Variants in ZNF692 observed in about 807,000 individuals in gnomAD.
The protein encoded by ZNF692 is AICAR responsive element binding protein.
Under a neutral mutation model 49.0 loss-of-function variants are expected in ZNF692, and 41 were observed. The ratio of observed to expected loss-of-function variants is 0.84; its 90% CI spans 0.65 to 1.08. The LOEUF is 1.08. Ranked by LOEUF, ZNF692 falls within the 50% of genes least tolerant of loss-of-function variation. The pLI is 0.00. For synonymous variants in ZNF692, 288 were observed against 251.5 expected (o/e 1.15, Z -1.37); for missense variants, 662 against 662.2 (o/e 1.00, Z 0.00).
chr1:248,857,739 T>G, intron 3 of ZNF692, 89 bp downstream of exon 3: 1 of 1,552,904 alleles, frequency 6.4e-7, no homozygotes, highest in Non-Finnish European at 8.7e-7. Flanking sequence ...CCAAACTTAC[T>G]CAGGGCTCCC....
Position 248,858,133 on chromosome 1 carries a change from G to T in ZNF692, c.177C>A (p.Asp59Glu), listed in dbSNP as rs1398973778. Residue 59 changes from aspartate to glutamate, a missense_variant and splice_region_variant, in exon 2 of 12, where the codon GAC becomes GAA. Transcript: ENST00000306601. The surrounding 1 kb of genome is among the most constrained non-coding windows in gnomAD (Gnocchi z 4.3). ...LHSQLAKFLL[D>E]RYTSSGCVLC... Reference sequence around the variant, plus strand: ...AAGCCCTTCTCCCGGCCCCTAACCGGTCCAACAGGAACTTGGCGAGCTGCG... The same window carrying T: ...AAGCCCTTCTCCCGGCCCCTAACCGTTCCAACAGGAACTTGGCGAGCTGCG... 2 of 1,566,060 alleles carry T rather than the reference G, an allele frequency of 1.3e-6. No homozygotes were observed. The highest frequency in any genetic ancestry group is 1.7e-4 in the Middle Eastern group (1 of 5,922).
chr1:248,855,556 A>G lies in ZNF692; in HGVS notation c.959+2T>C, dbSNP rs768374502. On this transcript the variant is annotated splice_donor_variant, in intron 8 of 11. Coordinates refer to ENST00000306601, the MANE Select transcript of ZNF692 (RefSeq NM_017865.4). LOFTEE classifies it high-confidence loss of function. ...CCAGAACCCCATCTCCCTAAGTCCT[A>G]CCTAATTCTCTTGGGGCCAATTTGT... The G allele has an allele frequency of 1.9e-6, 3 of 1,613,816 alleles. No homozygotes were observed. The highest frequency in any genetic ancestry group is 2.5e-6 in the Non-Finnish European group (3 of 1,179,982).
intron 3 of ZNF692, 43 bp downstream of exon 3, chr1:248,857,785 C>T: frequency 6.2e-7 from 1 of 1,604,758 alleles, no homozygotes; most frequent in African/African-American, 1.3e-5. Flanking sequence ...ACCCTGTGGT[C>T]CCTCTTCCCT....
intron 10 of ZNF692, among the ~76,000 whole-genome samples, chr1:248,852,628 C>T (rs1256866199): frequency 6.6e-6 from 1 of 152,230 alleles, no homozygotes; most frequent in Non-Finnish European, 1.5e-5. Flanking sequence ...GCTATCCCCA[C>T]AGCTCCACTG....
chr1:248,850,931 G>T (rs1339944124), intron 10 of ZNF692, 150 bp from the exon 11 acceptor site: 3 of 751,346 alleles, frequency 4.0e-6, no homozygotes, highest in Non-Finnish European at 7.0e-6. Context: ...CATGGAGCCC[G>T]TCTGGACCTC....
At chr1:248,850,575 G>T in intron 11 of ZNF692, 59 bp from the exon 12 acceptor site, 1 of 1,591,124 alleles carries the variant, frequency 6.3e-7, no homozygotes, top group South Asian at 1.1e-5. Flanking sequence ...GACTTCCCTA[G>T]GGGGTTCCTC....
At position 248,857,289 on chromosome 1, in the gene ZNF692, T is replaced by G; in HGVS notation, c.420A>C (p.Pro140=). Residue 140 remains proline, a synonymous_variant, in exon 4 of 12, where the codon CCA becomes CCC. Transcript: ENST00000306601. ...AACACCAACTTCTCCGAGTAGTATG[T>G]GGAAGGGAGGCTGGCTTGGGTGCCT... The part of the protein sequence containing the change: ...PSEAPKPASL[P]HTTRRSWCSE... The G allele has an allele frequency of 6.2e-7, 1 of 1,614,116 alleles. No homozygotes were observed. Among genetic ancestry groups the G allele is most frequent in the Non-Finnish European group, 8.5e-7 (1 of 1,180,012 alleles).
intron 9 of ZNF692, 113 bp downstream of exon 9, chr1:248,855,267 C>T: frequency 1.0e-6 from 1 of 994,482 alleles, no homozygotes; most frequent in Admixed American, 2.0e-5. Flanking sequence ...GTCAGGTACC[C>T]TCTGCTTCCT....
chr1:248,851,248 C>T (rs1351916454), intron 10 of ZNF692, among the ~76,000 whole-genome samples: 1 of 152,104 alleles, frequency 6.6e-6, no homozygotes, highest in African/African-American at 2.4e-5. Flanking sequence ...AATCATCTAC[C>T]ACCTATTTAG....
At chr1:248,852,091 C>G (rs1268172338) in intron 10 of ZNF692, among the ~76,000 whole-genome samples, 1 of 152,354 alleles carries the variant, frequency 6.6e-6, no homozygotes, top group Admixed American at 6.5e-5. Context: ...ACTGTAAGGG[C>G]AAAATCTGCC....
chr1:248,855,392 C>T lies in ZNF692; in HGVS notation c.1026G>A (p.Arg342=). Residue 342 remains arginine (R), a synonymous_variant, in exon 9 of 12, where the codon CGG becomes CGA. Transcript: ENST00000306601. ...FPGCGRIFSN[R]QYLNHHKKYQ... is the part of the protein sequence containing the mutation. ...CTGTGCCCCTCACATTCAAATACTG[C>T]CGGTTGGAGAAGATCCTTCCACAGC... The T allele has an allele frequency of 6.2e-7, 1 of 1,614,162 alleles. No individual in the cohort carries two copies. Among genetic ancestry groups the T allele is most frequent in the Non-Finnish European group, 8.5e-7 (1 of 1,180,040 alleles).
Position 248,858,235 on chromosome 1 carries a change from G to C in ZNF692, c.75C>G (p.Ser25Arg), listed in dbSNP as rs1660477995. The change falls in exon 2 of 12, where the codon AGC (serine) becomes AGG (arginine). Residue 25 changes from serine to arginine, a missense_variant. Physicochemically the swap from Ser to Arg is moderately radical, Grantham distance 110. Coordinates refer to ENST00000306601, the MANE Select transcript of ZNF692 (RefSeq NM_017865.4). The surrounding 1 kb of genome is among the most constrained non-coding windows in gnomAD (Gnocchi z 4.3). The stretch of plus-strand genomic sequence containing the variant: ...GGCCGCCCAGGCGGATGCGGCACTT[G>C]CTGCGGCGCGCGTCCAGCTGCCGCC... ...EKRRQLDARRSKCRIRLGGHM... is the reference protein window; with the variant it reads ...EKRRQLDARRRKCRIRLGGHM... The C allele has an allele frequency of 6.3e-7, 1 of 1,588,628 alleles. No homozygotes were observed. The highest frequency in any genetic ancestry group is 8.6e-7 in the Non-Finnish European group (1 of 1,167,820).
Position 248,852,539 on chromosome 1 carries a change from T to C in ZNF692, c.1153+1398A>G, listed in dbSNP as rs373347322. 1.1e-4 allele frequency among the ~76,000 whole-genome samples: 17 copies of C among 152,270 alleles called. No homozygotes were observed. In the East Asian group the frequency reaches 3.3e-3, roughly 29 times the overall value. ...CCACAGCCTTCCAGCTGGGACTCCATTTCTCTGCCTATCTTCACAGCAAAA... is the reference window on the plus strand; with the variant it reads ...CCACAGCCTTCCAGCTGGGACTCCACTTCTCTGCCTATCTTCACAGCAAAA... On this transcript the variant is annotated intron_variant, in intron 10 of 11. Coordinates refer to ENST00000306601, the MANE Select transcript of ZNF692 (RefSeq NM_017865.4).
rs1558254604 is a variant in ZNF692, at chr1:248,855,565, T to G, written c.952A>C (p.Arg318=). 6.2e-7 allele frequency: 1 copy of G among 1,614,170 alleles called. No individual in the cohort carries two copies. Among genetic ancestry groups the G allele is most frequent in the Non-Finnish European group, 8.5e-7 (1 of 1,180,038 alleles). The part of the protein sequence containing the change: ...DEDTAQIGPK[R]IRKAAKRELM... Reference sequence around the variant, plus strand: ...CATCTCCCTAAGTCCTACCTAATTCTCTTGGGGCCAATTTGTGCAGTGTCC... The same window carrying G: ...CATCTCCCTAAGTCCTACCTAATTCGCTTGGGGCCAATTTGTGCAGTGTCC... The change falls in exon 8 of 12, where the codon AGA becomes CGA. Residue 318 remains arginine, a synonymous_variant. Coordinates refer to ENST00000306601, the MANE Select transcript of ZNF692 (RefSeq NM_017865.4).
intron 9 of ZNF692, among the ~76,000 whole-genome samples, chr1:248,855,028 G>A (rs941241462): frequency 2.6e-5 from 4 of 152,204 alleles, no homozygotes; most frequent in African/African-American, 9.6e-5. Context: ...TGAGATTGGG[G>A]ACAGGACCAT....
chr1:248,856,012 C>T (rs1049815853), intron 6 of ZNF692, 66 bp from the exon 7 acceptor site: 22 of 1,502,220 alleles, frequency 1.5e-5, no homozygotes, highest in Non-Finnish European at 1.9e-5. Flanking sequence ...CCTGCCCGAC[C>T]CTAGCCCCTA....
intron 4 of ZNF692, among the ~76,000 whole-genome samples, 165 bp from the exon 5 acceptor site, chr1:248,856,727 A>G (rs547085572): frequency 2.0e-5 from 3 of 152,122 alleles, no homozygotes; most frequent in Admixed American, 1.3e-4. Flanking sequence ...GGCTCAAGCA[A>G]TCCTCTTGCC....
Position 248,850,685 on chromosome 1 carries a change from A to G in ZNF692, c.1250T>C (p.Leu417Pro). ...HRRIHTGEKPLQCEICGFTCR... is the reference protein window; with the variant it reads ...HRRIHTGEKPPQCEICGFTCR... ...CAGACCCCACCCCAGCACTCACTGCAGGGGTTTTTCTCCAGTGTGGATACG... is the reference window on the plus strand; with the variant it reads ...CAGACCCCACCCCAGCACTCACTGCGGGGGTTTTTCTCCAGTGTGGATACG... The change falls in exon 11 of 12, where the codon CTG (leucine) becomes CCG (proline). Residue 417 changes from leucine to proline, a missense_variant. Coordinates refer to ENST00000306601, the MANE Select transcript of ZNF692 (RefSeq NM_017865.4). The G allele has an allele frequency of 6.2e-7, 1 of 1,613,784 alleles. No individual in the cohort carries two copies. The highest frequency in any genetic ancestry group is 8.5e-7 in the Non-Finnish European group (1 of 1,179,744).
intron 6 of ZNF692, 122 bp downstream of exon 6, chr1:248,856,166 C>T: frequency 1.4e-5 from 20 of 1,474,626 alleles, no homozygotes; most frequent in Non-Finnish European, 1.6e-5. Context: ...TTTTTGCCTT[C>T]CCCAAAACCC....
Sources: allele counts gnomAD v4.1 joint callset (sites outside exome capture counted in the v4.1 genomes callset), GRCh38; gene constraint gnomAD v4.1.1; non-coding constraint Gnocchi (gnomAD v3.1); transcripts MANE v1.5; gene names NCBI Gene and HGNC (gene_info 2026-07-23, HGNC 2026-07-21).